The following DLG2 variants were observed in gnomAD, a reference collection of about 807,000 sequenced individuals.
DLG2 encodes the protein discs large MAGUK scaffold protein 2.
DLG2 carries 45 observed loss-of-function variants against 132.5 expected under a neutral mutation model. The ratio of observed to expected loss-of-function variants is 0.34; its 90% CI spans 0.27 to 0.44. The LOEUF is 0.44. Among genes scored for constraint, DLG2 ranks in the 20% least tolerant of loss-of-function variants. DLG2 has a pLI of 1.00. For synonymous variants in DLG2, 424 were observed against 419.6 expected (o/e 1.01, Z -0.13); for missense variants, 1,045 against 1,196.9 (o/e 0.87, Z 1.87).
chr11:84,966,070 T>C (rs2053277311), intron 6 of DLG2, among the ~76,000 whole-genome samples: 1 of 152,070 alleles, frequency 6.6e-6, no homozygotes, highest in Admixed American at 6.6e-5. Context: ...TTGGTATTTA[T>C]TGGTGAGGCA....
intron 16 of DLG2, among the ~76,000 whole-genome samples, chr11:83,862,046 A>G (rs1222644095): frequency 6.6e-6 from 1 of 152,188 alleles, no homozygotes; most frequent in Non-Finnish European, 1.5e-5. Context: ...ATTTTTAAAA[A>G]CTAAAAATGG....
chr11:84,348,351 C>A (rs2098548105), intron 7 of DLG2, among the ~76,000 whole-genome samples: 1 of 152,196 alleles, frequency 6.6e-6, no homozygotes, highest in Admixed American at 6.5e-5. Flanking sequence ...TGATAGAATT[C>A]AAATTTTATT....
rs140884454 is a variant in DLG2 at position 83,826,538 on chromosome 11, T to A, written c.1722+7076A>T. 1.5e-3 allele frequency among the ~76,000 whole-genome samples: 235 copies of A among 152,270 alleles called. 1 individual carries two copies. Among genetic ancestry groups the A allele is most frequent in the African/African-American group, 5.4e-3 (226 of 41,524 alleles). ...CAGTGGGTTAGAGAGAGAGAGCAAA[T>A]GCCTGGAACAAGCATGCTGGTTTGG... On this transcript the variant is annotated intron_variant, in intron 17 of 27. Transcript: ENST00000376104.
intron 4 of DLG2, among the ~76,000 whole-genome samples, chr11:85,202,145 T>TAA (rs35909949): frequency 7.1e-6 from 1 of 141,842 alleles, no homozygotes. Context: ...AAAAGCTTAT[T>TAA]AAAAAAAAAA....
At chr11:83,505,694 C>G (rs2094659831) in intron 21 of DLG2, among the ~76,000 whole-genome samples, 1 of 152,230 alleles carries the variant, frequency 6.6e-6, no homozygotes, top group African/African-American at 2.4e-5. Flanking sequence ...AATTGCACAT[C>G]TGGCCATTTC....
At chr11:83,974,190 A>G (rs2091854107) in intron 12 of DLG2, among the ~76,000 whole-genome samples, 1 of 152,034 alleles carries the variant, frequency 6.6e-6, no homozygotes, top group Non-Finnish European at 1.5e-5. Context: ...CATCCCATTC[A>G]TTATTCAGAT....
rs372017457 is a variant in DLG2 at position 85,322,830 on chromosome 11, A to C, written c.41-37465T>G. Among the ~76,000 whole-genome samples, 56 of 152,190 alleles carry C rather than the reference A, an allele frequency of 3.7e-4. No homozygotes were observed. In the South Asian group the frequency reaches 9.3e-3, roughly 25 times the overall value. Reference sequence around the variant, plus strand: ...TATAATAAATATCTCTTGATTTGTCAATTTTTCCCATTCCTGCTGCTGCTA... The same window carrying C: ...TATAATAAATATCTCTTGATTTGTCCATTTTTCCCATTCCTGCTGCTGCTA... On this transcript the variant is annotated intron_variant, in intron 3 of 27. Coordinates refer to ENST00000376104, the MANE Select transcript of DLG2 (RefSeq NM_001142699.3).
chr11:84,688,959 G>C (rs1226524493), intron 6 of DLG2, among the ~76,000 whole-genome samples: 1 of 152,160 alleles, frequency 6.6e-6, no homozygotes, highest in Non-Finnish European at 1.5e-5. Context: ...TCCTGAATTT[G>C]AATTACCCAG....
At chr11:85,287,301 A>G (rs940064254) in intron 3 of DLG2, among the ~76,000 whole-genome samples, 2 of 152,108 alleles carry the variant, frequency 1.3e-5, no homozygotes, top group Non-Finnish European at 2.9e-5. Flanking sequence ...CAGATATGAA[A>G]AGAAATACAA....
At chr11:84,063,678 G>A in intron 10 of DLG2, among the ~76,000 whole-genome samples, 1 of 152,054 alleles carries the variant, frequency 6.6e-6, no homozygotes, top group Non-Finnish European at 1.5e-5. Context: ...GTTTATTGCG[G>A]CACTATTCAC....
chr11:83,755,886 CA>C (rs2093624455), intron 18 of DLG2, among the ~76,000 whole-genome samples: 1 of 151,386 alleles, frequency 6.6e-6, no homozygotes. Flanking sequence ...TTTATTCCCA[CA>C]CGTGCCTTTA....
chr11:83,814,678 TGTTA>T (rs755464045), intron 17 of DLG2: 5 of 157,624 alleles, frequency 3.2e-5, no homozygotes, highest in Non-Finnish European at 7.1e-5. Context: ...CTGTTCAATC[TGTTA>T]CAGATGGGCC....
At position 84,065,997 on chromosome 11, in the gene DLG2, T is replaced by C. The variant is rs1384670653; in HGVS notation, c.750-6513A>G. 2.6e-5 allele frequency among the ~76,000 whole-genome samples: 4 copies of C among 152,172 alleles called. No individual in the cohort carries two copies. In the South Asian group the frequency reaches 8.3e-4, roughly 32 times the overall value. Reference sequence around the variant, plus strand: ...ACCAAATACTCCATGATCTCATTTATGTAAGTGGGAGCTAAACTTGGAGTA... The same window carrying C: ...ACCAAATACTCCATGATCTCATTTACGTAAGTGGGAGCTAAACTTGGAGTA... On this transcript the variant is annotated intron_variant, in intron 10 of 27. Transcript: ENST00000376104.
At chr11:85,358,563 T>A (rs1032621345) in intron 3 of DLG2, among the ~76,000 whole-genome samples, 1 of 152,202 alleles carries the variant, frequency 6.6e-6, no homozygotes, top group Non-Finnish European at 1.5e-5. Context: ...GGATGCTGTG[T>A]TCAAGTGTTC....
At chr11:83,520,632 T>C (rs1337520267) in intron 21 of DLG2, among the ~76,000 whole-genome samples, 2 of 142,128 alleles carry the variant, frequency 1.4e-5, no homozygotes, top group East Asian at 2.0e-4. Context: ...GGTAGATAGG[T>C]AGGTAGGTAG....
intron 4 of DLG2, among the ~76,000 whole-genome samples, chr11:85,284,597 C>T (rs2078442018): frequency 6.6e-6 from 1 of 151,840 alleles, no homozygotes; most frequent in Non-Finnish European, 1.5e-5. Context: ...CCTCAACTTG[C>T]CTTAGTCTTT....
In DLG2 at chr11:84,912,723, G is replaced by A. The variant is rs893441602; in HGVS notation, c.357+198938C>T. On this transcript the variant is annotated intron_variant, in intron 6 of 27. Coordinates refer to ENST00000376104, the MANE Select transcript of DLG2 (RefSeq NM_001142699.3). ...CATCTCCTATATGGCGTGAGCCGTG[G>A]ATGGGAAGTATAGCTGGAATTGATT... Among the ~76,000 whole-genome samples, 8 of 152,336 alleles carry A rather than the reference G, an allele frequency of 5.3e-5. No individual in the cohort carries two copies. The South Asian group carries it at 1.7e-3, about 32-fold the overall frequency.
intron 6 of DLG2, among the ~76,000 whole-genome samples, chr11:84,634,238 G>A (rs892331374): frequency 2.0e-5 from 3 of 152,044 alleles, no homozygotes; most frequent in Non-Finnish European, 4.4e-5. Flanking sequence ...CGTGATCTTT[G>A]ATCTCCTTTT....
chr11:83,650,133 C>G (rs540287441), intron 18 of DLG2, among the ~76,000 whole-genome samples: 2 of 152,120 alleles, frequency 1.3e-5, no homozygotes, highest in African/African-American at 4.8e-5. Context: ...CTGTAATGCC[C>G]GTGTGCAGTA....
Sources: allele counts gnomAD v4.1 joint callset (sites outside exome capture counted in the v4.1 genomes callset), GRCh38; gene constraint gnomAD v4.1.1; transcripts MANE v1.5; gene names NCBI Gene and HGNC (gene_info 2026-07-23, HGNC 2026-07-21).